The following LRRFIP1 variants were observed in gnomAD, a reference collection of about 807,000 sequenced individuals.
LRRFIP1 encodes leucine-rich repeat flightless-interacting protein 1.
A neutral mutation model predicts 104.4 loss-of-function variants in LRRFIP1; 62 were observed. The observed-to-expected ratio is 0.59, with a 90% CI of 0.48 to 0.73. The LOEUF is 0.73. LRRFIP1 is among the 30% of genes least tolerant of loss of function. LRRFIP1 has a pLI of 0.00. For synonymous variants in LRRFIP1, 300 were observed against 299.0 expected, an observed-to-expected ratio of 1.00 and a Z score of -0.03; for missense variants, 796 against 824.5, an observed-to-expected ratio of 0.97 and a Z score of 0.42.
intron 1 of LRRFIP1, among the ~76,000 whole-genome samples, chr2:237,698,000 C>G (rs2093304645): frequency 6.6e-6 from 1 of 152,180 alleles, no homozygotes; most frequent in Non-Finnish European, 1.5e-5. Context: ...TTTCTTAGCG[C>G]CAGTGGGAGT....
intron 1 of LRRFIP1, among the ~76,000 whole-genome samples, chr2:237,651,652 A>T (rs56209800): frequency 0.077 from 11,783 of 152,236 alleles, 571 homozygotes; most frequent in East Asian, 0.19. Context: ...TGTAAGTGAA[A>T]ATTAGCTCTA....
intron 1 of LRRFIP1, among the ~76,000 whole-genome samples, chr2:237,686,751 G>A (rs913824172): frequency 3.9e-5 from 6 of 152,234 alleles, no homozygotes; most frequent in African/African-American, 7.2e-5. Context: ...TCTGTCCACC[G>A]GAGGCAGTCA....
chr2:237,749,350 A>G (rs1375336407), intron 13 of LRRFIP1, 26 bp downstream of exon 13: 2 of 1,610,426 alleles, frequency 1.2e-6, no homozygotes, highest in Non-Finnish European at 1.7e-6. Context: ...CTTACTGACA[A>G]CTTGAGAGAA....
At chr2:237,706,253 C>T (rs926509322) in intron 1 of LRRFIP1, among the ~76,000 whole-genome samples, 6 of 152,110 alleles carry the variant, frequency 3.9e-5, no homozygotes, top group Non-Finnish European at 8.8e-5. Flanking sequence ...AGAATTTGGC[C>T]GACTGCAGTT....
intron 1 of LRRFIP1, among the ~76,000 whole-genome samples, chr2:237,650,914 C>G (rs1357049059): frequency 6.6e-6 from 1 of 152,140 alleles, no homozygotes; most frequent in African/African-American, 2.4e-5. Flanking sequence ...GGGGGGAAAC[C>G]TGGTTGCCTC....
intron 1 of LRRFIP1, among the ~76,000 whole-genome samples, chr2:237,671,135 C>T (rs1559510780): frequency 6.6e-6 from 1 of 152,210 alleles, no homozygotes; most frequent in African/African-American, 2.4e-5. Flanking sequence ...CCTTCAGCTT[C>T]GAATGACCAT....
At chr2:237,641,883 T>TA (rs1491490033) in intron 1 of LRRFIP1, among the ~76,000 whole-genome samples, 1 of 152,186 alleles carries the variant, frequency 6.6e-6, no homozygotes, top group Admixed American at 6.5e-5. Context: ...TGGGAGGACT[T>TA]CCAGGGCGTC....
intron 2 of LRRFIP1, among the ~76,000 whole-genome samples, chr2:237,709,402 TTTC>T (rs1360185497): frequency 6.6e-6 from 1 of 152,178 alleles, no homozygotes; most frequent in East Asian, 1.9e-4. Context: ...CCCAAGAGCT[TTTC>T]TTCTTAAGAA....
At chr2:237,755,599 CA>C (rs2059173940) in intron 15 of LRRFIP1, among the ~76,000 whole-genome samples, 1 of 152,206 alleles carries the variant, frequency 6.6e-6, no homozygotes, top group South Asian at 2.1e-4. Context: ...AGTCATCAGG[CA>C]TCATCTATAA....
chr2:237,757,543 A>G lies in LRRFIP1; in HGVS notation c.1219A>G (p.Ile407Val), dbSNP rs745459980. The G allele has an allele frequency of 6.4e-7, 1 of 1,573,202 alleles. No homozygotes were observed. Among genetic ancestry groups the G allele is most frequent in the East Asian group, 2.3e-5 (1 of 43,228 alleles). ...AACAATAGAGTGGAAAGACAAAAAG[A>G]TAGGGGTAGGATTCCCAAGTCTTGA... The part of the protein sequence containing the change: ...QETIEWKDKK[I>V]GALERQKEFF... The change falls in exon 17 of 24, where the codon ATA (isoleucine) becomes GTA (valine). Residue 407 changes from isoleucine to valine, a missense_variant. By Grantham distance (29) the Ile-to-Val change is conservative (BLOSUM62 3). Coordinates refer to ENST00000308482, the MANE Select transcript of LRRFIP1 (RefSeq NM_001137550.2).
At chr2:237,730,950 A>G (rs1323258691) in intron 8 of LRRFIP1, among the ~76,000 whole-genome samples, 1 of 151,686 alleles carries the variant, frequency 6.6e-6, no homozygotes, top group Non-Finnish European at 1.5e-5. Flanking sequence ...ACAAACAAAT[A>G]GAACAAATGA....
intron 7 of LRRFIP1, among the ~76,000 whole-genome samples, chr2:237,725,738 T>C (rs545905044): frequency 3.9e-5 from 6 of 152,346 alleles, no homozygotes; most frequent in African/African-American, 1.4e-4. Flanking sequence ...TCCCAGGTTT[T>C]CGTAGAAGGC....
At chr2:237,714,399 T>C (rs1341992093) in intron 3 of LRRFIP1, 123 bp downstream of exon 3, 2 of 728,242 alleles carry the variant, frequency 2.7e-6, no homozygotes, top group South Asian at 2.2e-5. Flanking sequence ...CTGTTTATTT[T>C]ACTACTTTGT....
intron 3 of LRRFIP1, 109 bp downstream of exon 3, chr2:237,714,385 C>A: frequency 1.2e-6 from 1 of 851,316 alleles, no homozygotes; most frequent in Non-Finnish European, 1.9e-6. Context: ...CATAGAAGTT[C>A]TTACTGTTTA....
At chr2:237,642,985 G>A (rs534965577) in intron 1 of LRRFIP1, among the ~76,000 whole-genome samples, 44 of 152,206 alleles carry the variant, frequency 2.9e-4, no homozygotes, top group Middle Eastern at 3.2e-3. Flanking sequence ...GGATAAATCC[G>A]CCTGCTAACC....
Position 237,735,448 on chromosome 2 carries a change from C to T in LRRFIP1, c.555+115C>T, listed in dbSNP as rs146300147. 3,275 of 928,358 alleles carry T rather than the reference C, an allele frequency of 3.5e-3. 126 individuals are homozygous for T. The Admixed American group carries it at 0.073, about 21-fold the overall frequency. 57.5% of individuals were successfully genotyped at this position (928,358 alleles called of 1,614,324 possible). A position where few individuals can be genotyped will look rare whatever the true frequency, so the allele number is the denominator to read the frequency against. On this transcript the variant is annotated intron_variant, in intron 10 of 23. Transcript: ENST00000308482. This position sits in a 1 kb window ranked among gnomAD's most constrained non-coding sequence, Gnocchi z 4.6. ...ACTGGCCATTCTCAGGAGGAAGCGC[C>T]GAGTCACCGGGCTAACCGCCACCTT...
chr2:237,646,719 A>G (rs1192321224), intron 1 of LRRFIP1, among the ~76,000 whole-genome samples: 1 of 151,876 alleles, frequency 6.6e-6, no homozygotes, highest in Non-Finnish European at 1.5e-5. Flanking sequence ...GCATGCACAC[A>G]CAGTGTGGGC....
At chr2:237,765,939 T>G in intron 19 of LRRFIP1, 1 of 983,976 alleles carries the variant, frequency 1.0e-6, no homozygotes, top group Non-Finnish European at 1.2e-6. Context: ...CTCTTTGGGC[T>G]GCTTGAAGTC....
At chr2:237,734,695 A>G (rs1443165065) in intron 9 of LRRFIP1, among the ~76,000 whole-genome samples, 1 of 152,240 alleles carries the variant, frequency 6.6e-6, no homozygotes, top group Non-Finnish European at 1.5e-5. Flanking sequence ...AAGTTCCTTT[A>G]TACCGGGCAA....
Sources: allele counts gnomAD v4.1 joint callset (sites outside exome capture counted in the v4.1 genomes callset), GRCh38; gene constraint gnomAD v4.1.1; non-coding constraint Gnocchi (gnomAD v3.1); transcripts MANE v1.5; gene names NCBI Gene and HGNC (gene_info 2026-07-23, HGNC 2026-07-21).